The following PCDHA5 variants were observed in gnomAD, a reference collection of about 807,000 sequenced individuals.
PCDHA5 encodes protocadherin alpha 5.
PCDHA5 carries 43 observed loss-of-function variants against 61.6 expected under a neutral mutation model. The ratio of observed to expected loss-of-function variants is 0.70; its 90% CI spans 0.55 to 0.90. The LOEUF (loss-of-function observed/expected upper bound fraction) is 0.90. Among genes scored for constraint, PCDHA5 ranks in the 40% least tolerant of loss-of-function variants. PCDHA5 has a pLI of 0.00. For missense variants in PCDHA5, 1,298 were observed against 1,222.7 expected, an observed-to-expected ratio of 1.06 and a Z score of -0.92; for synonymous variants, 627 against 543.9, an observed-to-expected ratio of 1.15 and a Z score of -2.13.
intron 1 of PCDHA5, chr5:140,850,917 T>G: frequency 6.5e-7 from 1 of 1,530,140 alleles, no homozygotes; most frequent in Non-Finnish European, 8.8e-7. Context: ...TTTATTTATT[T>G]ATATAATTTT....
At chr5:140,868,805 C>T (rs1316864299) in intron 1 of PCDHA5, 7 of 356,302 alleles carry the variant, frequency 2.0e-5, no homozygotes, top group African/African-American at 1.4e-4. Context: ...TAAATAAGCA[C>T]GTTGGAAATA....
intron 1 of PCDHA5, chr5:140,875,473 A>G (rs782269579): frequency 6.2e-6 from 10 of 1,606,342 alleles, no homozygotes; most frequent in Non-Finnish European, 8.5e-6. Flanking sequence ...ATTTTCTGCA[A>G]TGGTGATTAT....
intron 1 of PCDHA5, among the ~76,000 whole-genome samples, chr5:140,960,541 C>G (rs1200507322): frequency 6.6e-6 from 1 of 151,924 alleles, no homozygotes; most frequent in African/African-American, 2.4e-5. Context: ...GAAACTGTGG[C>G]CTTCATATAG....
At chr5:140,996,495 G>A (rs2097728470) in intron 3 of PCDHA5, among the ~76,000 whole-genome samples, 2 of 152,156 alleles carry the variant, frequency 1.3e-5, no homozygotes, top group South Asian at 4.1e-4. Context: ...GGCAAGTCTG[G>A]CTTCTTGGGG....
chr5:140,916,211 G>C (rs1373329073), intron 1 of PCDHA5, among the ~76,000 whole-genome samples: 4 of 152,182 alleles, frequency 2.6e-5, no homozygotes, highest in Non-Finnish European at 5.9e-5. Flanking sequence ...CCCTGGGGAA[G>C]ATCCAAATAT....
At chr5:140,857,705 T>C in intron 1 of PCDHA5, 1 of 1,597,138 alleles carries the variant, frequency 6.3e-7, no homozygotes, top group Non-Finnish European at 8.6e-7. Flanking sequence ...GCTGCAGGTG[T>C]TCGTGCTGGA....
In PCDHA5 at chr5:141,009,668, G is replaced by A. The variant is rs782068657; in HGVS notation, c.2542G>A (p.Val848Ile). The change falls in exon 4 of 4, where the codon GTC becomes ATC. Residue 848 changes from valine (V) to isoleucine (I), a missense_variant. Transcript: ENST00000529859. ...AGTGTCCCCTCCAGTCGGTGCGGGTGTCAACAGCAACAGCTGGACCTTTAA... is the reference window on the plus strand; with the variant it reads ...AGTGTCCCCTCCAGTCGGTGCGGGTATCAACAGCAACAGCTGGACCTTTAA... ...GEVSPPVGAG[V>I]NSNSWTFKYG... The A allele has an allele frequency of 1.2e-6, 2 of 1,614,108 alleles. No individual in the cohort carries two copies. Among genetic ancestry groups the A allele is most frequent in the Non-Finnish European group, 1.7e-6 (2 of 1,180,018 alleles).
intron 1 of PCDHA5, among the ~76,000 whole-genome samples, chr5:140,845,729 T>C (rs952746067): frequency 6.7e-6 from 1 of 149,682 alleles, no homozygotes; most frequent in Non-Finnish European, 1.5e-5. Flanking sequence ...TAAATGTGAA[T>C]TCTACTTTAT....
intron 1 of PCDHA5, chr5:140,967,005 A>G: frequency 1.2e-6 from 2 of 1,605,512 alleles, no homozygotes; most frequent in African/African-American, 1.3e-5. Flanking sequence ...TTGCGCATCA[A>G]CCATCTGGGT....
intron 1 of PCDHA5, chr5:140,877,068 G>T: frequency 6.2e-7 from 1 of 1,613,122 alleles, no homozygotes; most frequent in African/African-American, 1.3e-5. Context: ...AGCTGCTGCA[G>T]TTCCAGGTGA....
At chr5:140,970,464 G>T (rs2096408291) in intron 1 of PCDHA5, among the ~76,000 whole-genome samples, 1 of 152,154 alleles carries the variant, frequency 6.6e-6, no homozygotes, top group African/African-American at 2.4e-5. Flanking sequence ...ATTTAAGTAG[G>T]TATAAGGCCA....
intron 1 of PCDHA5, chr5:140,884,024 G>T: frequency 1.2e-6 from 2 of 1,613,318 alleles, no homozygotes; most frequent in South Asian, 2.2e-5. Flanking sequence ...GCGGTCGGTG[G>T]GTGCAGGCCA....
intron 1 of PCDHA5, chr5:140,884,166 C>T: frequency 1.2e-6 from 2 of 1,613,430 alleles, no homozygotes; most frequent in Non-Finnish European, 1.7e-6. Context: ...GAGATCAGCA[C>T]GACGCGCCCT....
chr5:140,828,521 G>A, intron 1 of PCDHA5: 1 of 1,614,218 alleles, frequency 6.2e-7, no homozygotes, highest in Non-Finnish European at 8.5e-7. Context: ...GCTGATTTAC[G>A]AATCTAGGCT....
At chr5:140,949,405 AC>A (rs1554218939) in intron 1 of PCDHA5, among the ~76,000 whole-genome samples, 1 of 151,820 alleles carries the variant, frequency 6.6e-6, no homozygotes, top group African/African-American at 2.4e-5. Flanking sequence ...GTTAAAAATC[AC>A]CTATCATCAT....
chr5:140,976,545 T>C (rs781810490), intron 1 of PCDHA5, among the ~76,000 whole-genome samples: 1 of 152,078 alleles, frequency 6.6e-6, no homozygotes, highest in Non-Finnish European at 1.5e-5. Flanking sequence ...AGTAAGACCC[T>C]ATCTCATAAA....
intron 1 of PCDHA5, chr5:140,865,906 T>A (rs2153227023): frequency 6.6e-6 from 1 of 152,286 alleles, no homozygotes; most frequent in Non-Finnish European, 1.5e-5. Flanking sequence ...CAGGCAAATC[T>A]TTCTTTCTGT....
intron 1 of PCDHA5, chr5:140,830,467 TGAA>T (rs2150186899): frequency 3.2e-6 from 5 of 1,572,686 alleles, no homozygotes; most frequent in Non-Finnish European, 4.3e-6. Flanking sequence ...AGGATTTAAA[TGAA>T]GATCATGATG....
At chr5:140,904,164 T>A (rs1475689291) in intron 1 of PCDHA5, among the ~76,000 whole-genome samples, 2 of 152,078 alleles carry the variant, frequency 1.3e-5, no homozygotes, top group South Asian at 4.1e-4. Flanking sequence ...CAGTTTGTAG[T>A]CTTTTATTCC....
Sources: allele counts gnomAD v4.1 joint callset (sites outside exome capture counted in the v4.1 genomes callset), GRCh38; gene constraint gnomAD v4.1.1; transcripts MANE v1.5; gene names NCBI Gene and HGNC (gene_info 2026-07-23, HGNC 2026-07-21).